The following PTPRG variants were observed in gnomAD, a reference collection of about 807,000 sequenced individuals.
The protein encoded by PTPRG is receptor-type tyrosine-protein phosphatase gamma.
A neutral mutation model predicts 165.3 loss-of-function variants in PTPRG; 102 were observed. The observed-to-expected ratio is 0.62, with a 90% CI of 0.53 to 0.73. The LOEUF is 0.73. PTPRG is among the 30% of genes least tolerant of loss of function. The pLI, the probability that PTPRG is intolerant of heterozygous loss-of-function variation, is 0.00. For synonymous variants in PTPRG, 675 were observed against 669.5 expected (o/e 1.01, Z -0.13); for missense variants, 1,866 against 1,861.4 (o/e 1.00, Z -0.05).
Position 62,191,635 on chromosome 3 carries a change from G to A in PTPRG, c.1200G>A (p.Lys400=). The change falls in exon 9 of 30, where the codon AAG becomes AAA. Residue 400 remains lysine (K), a synonymous_variant. Coordinates refer to ENST00000474889, the MANE Select transcript of PTPRG (RefSeq NM_002841.4). ...NEDEKEKTFT[K]DSDKDLKATI... ...ACGAGAAGGAGAAGACGTTTACAAA[G>A]GACAGCGACAAAGACTTGGTATGAA... The A allele has an allele frequency of 6.2e-7, 1 of 1,614,114 alleles. No homozygotes were observed.
At chr3:62,159,866 T>C (rs537352251) in intron 7 of PTPRG, among the ~76,000 whole-genome samples, 1 of 152,352 alleles carries the variant, frequency 6.6e-6, no homozygotes, top group Non-Finnish European at 1.5e-5. Flanking sequence ...GGATCCTTGC[T>C]GGCTGGCTTT....
chr3:61,596,714 A>C (rs1260289211), intron 1 of PTPRG, among the ~76,000 whole-genome samples: 1 of 152,144 alleles, frequency 6.6e-6, no homozygotes, highest in African/African-American at 2.4e-5. Context: ...TTCCTTTTTC[A>C]CAAGTAGAAA....
chr3:61,987,326 T>C (rs1385744909), intron 2 of PTPRG, among the ~76,000 whole-genome samples: 2 of 152,218 alleles, frequency 1.3e-5, no homozygotes, highest in African/African-American at 2.4e-5. Context: ...TTGTTACCAG[T>C]GAATAAATGA....
In PTPRG at chr3:62,203,993, A is replaced by G; in HGVS notation, c.2155+43A>G. 1 of 1,513,770 alleles carries G rather than the reference A, an allele frequency of 6.6e-7. No homozygotes were observed. The highest frequency in any genetic ancestry group is 8.8e-7 in the Non-Finnish European group (1 of 1,130,732). 93.8% of individuals were successfully genotyped at this position (1,513,770 alleles called of 1,614,324 possible). ...TCTTCGAGGGTTCCTGCTCCTGTGA[A>G]TAGTCGTACCCTTTTTCAAAAAATT... On this transcript the variant is annotated intron_variant, in intron 12 of 29. Coordinates refer to ENST00000474889, the MANE Select transcript of PTPRG (RefSeq NM_002841.4). The surrounding 1 kb of genome is among the most constrained non-coding windows in gnomAD (Gnocchi z 6.4).
At chr3:61,607,947 A>C (rs772505539) in intron 1 of PTPRG, among the ~76,000 whole-genome samples, 1 of 152,076 alleles carries the variant, frequency 6.6e-6, no homozygotes, top group African/African-American at 2.4e-5. Flanking sequence ...GCATTGTTAG[A>C]TCATTCTAAT....
At chr3:61,577,313 A>G (rs1700192037) in intron 1 of PTPRG, among the ~76,000 whole-genome samples, 1 of 152,204 alleles carries the variant, frequency 6.6e-6, no homozygotes, top group African/African-American at 2.4e-5. Context: ...TGTTTCCTGT[A>G]TATGAGTTTT....
intron 7 of PTPRG, among the ~76,000 whole-genome samples, chr3:62,166,037 C>T (rs1276717466): frequency 6.6e-6 from 1 of 152,048 alleles, no homozygotes; most frequent in Non-Finnish European, 1.5e-5. Flanking sequence ...GCACAGAGAG[C>T]ATCTTTCTAG....
intron 5 of PTPRG, chr3:62,124,156 T>C: frequency 1.5e-6 from 1 of 671,022 alleles, no homozygotes; most frequent in East Asian, 2.6e-5. Flanking sequence ...GTTCTGTGAA[T>C]TTGTTGTTGT....
intron 2 of PTPRG, among the ~76,000 whole-genome samples, chr3:61,813,942 C>T (rs1363713504): frequency 6.8e-6 from 1 of 148,070 alleles, no homozygotes; most frequent in African/African-American, 2.5e-5. Flanking sequence ...ACCACCCAGG[C>T]TGGAGTGCAG....
intron 12 of PTPRG, among the ~76,000 whole-genome samples, chr3:62,207,313 C>T (rs567504332): frequency 9.7e-4 from 147 of 152,310 alleles, no homozygotes; most frequent in Middle Eastern, 3.4e-3. Context: ...CATTTGCCAA[C>T]CCCTGGTTTA....
intron 6 of PTPRG, among the ~76,000 whole-genome samples, chr3:62,155,884 C>A (rs1045403911): frequency 3.9e-5 from 6 of 152,114 alleles, no homozygotes; most frequent in African/African-American, 1.4e-4. Flanking sequence ...TCACCTGGAA[C>A]CCTGTTCCCG....
chr3:61,953,743 A>AGTCG (rs143810775), intron 2 of PTPRG, among the ~76,000 whole-genome samples: 1,756 of 152,306 alleles, frequency 0.012, 37 homozygotes, highest in African/African-American at 0.039. Flanking sequence ...CACGTCAGTC[A>AGTCG]TACTAAACTA....
In PTPRG at chr3:62,292,297, G is replaced by A; in HGVS notation, c.4056-124G>A. ...CCCCACCAGCATTTCATTCAGTCGT[G>A]TCTTTAGAGTAAATGTCAAAACAGT... is the stretch of plus-strand genomic sequence containing the variant. On this transcript the variant is annotated intron_variant, in intron 28 of 29. Transcript: ENST00000474889. 4 of 1,066,226 alleles carry A rather than the reference G, an allele frequency of 3.8e-6. No individual in the cohort carries two copies. In the Middle Eastern group the frequency reaches 8.5e-4, roughly 228 times the overall value. The allele number at this position is 1,066,226 out of a possible 1,614,324, so 66.0% of individuals were successfully genotyped here.
chr3:61,924,982 A>G (rs549966826), intron 2 of PTPRG, among the ~76,000 whole-genome samples: 3 of 152,226 alleles, frequency 2.0e-5, no homozygotes, highest in Non-Finnish European at 4.4e-5. Flanking sequence ...TCTGCAAGCC[A>G]GGAAGGTTAT....
intron 25 of PTPRG, among the ~76,000 whole-genome samples, 160 bp from the exon 26 acceptor site, chr3:62,277,391 A>C (rs937489445): frequency 6.6e-6 from 1 of 152,186 alleles, no homozygotes; most frequent in African/African-American, 2.4e-5. Flanking sequence ...CAGTGCTAGC[A>C]GAAGTACATC....
chr3:62,016,097 A>G (rs1321967144), intron 4 of PTPRG, among the ~76,000 whole-genome samples: 3 of 152,128 alleles, frequency 2.0e-5, no homozygotes, highest in South Asian at 4.1e-4. Context: ...CCCCCTCCTC[A>G]TAGAGTAAAT....
Position 61,671,366 on chromosome 3 carries a change from A to G in PTPRG, c.86-77512A>G, listed in dbSNP as rs188362783. Among the ~76,000 whole-genome samples the G allele has an allele frequency of 3.5e-3, 532 of 152,028 alleles. 4 individuals are homozygous for G. Among genetic ancestry groups the G allele is most frequent in the Middle Eastern group, 0.014 (4 of 292 alleles). On this transcript the variant is annotated intron_variant, in intron 1 of 29. Coordinates refer to ENST00000474889, the MANE Select transcript of PTPRG (RefSeq NM_002841.4). ...CGTAAGGAGCATGCTGCCTTCAAGC[A>G]TCTGTTTAACAAAGCACATCTTGCA...
rs373674388 is a variant in PTPRG, at chr3:62,124,341, G to A, written c.616-8261G>A. 78 of 1,612,226 alleles carry A rather than the reference G, an allele frequency of 4.8e-5. 1 individual carries two copies. In the East Asian group the frequency reaches 8.2e-4, roughly 17 times the overall value. On this transcript the variant is annotated intron_variant, in intron 5 of 29. Coordinates refer to ENST00000474889, the MANE Select transcript of PTPRG (RefSeq NM_002841.4). ...GCCTGGTTCTGCCCGGGTCTCTGGT[G>A]ATGCAGGCTGACAATAGTGGGATGC...
chr3:61,870,877 A>C (rs1188070962), intron 2 of PTPRG, among the ~76,000 whole-genome samples: 4 of 152,198 alleles, frequency 2.6e-5, no homozygotes, highest in African/African-American at 9.7e-5. Context: ...AAGCTCAATT[A>C]ATGAATATTA....
Sources: allele counts gnomAD v4.1 joint callset (sites outside exome capture counted in the v4.1 genomes callset), GRCh38; gene constraint gnomAD v4.1.1; non-coding constraint Gnocchi (gnomAD v3.1); transcripts MANE v1.5; gene names NCBI Gene and HGNC (gene_info 2026-07-23, HGNC 2026-07-21).